Variants in NUDT3 observed in about 807,000 individuals in gnomAD.
The protein encoded by NUDT3 is nudix hydrolase 3, also known as diphosphoinositol polyphosphate phosphohydrolase 1.
Under a neutral mutation model 23.6 loss-of-function variants are expected in NUDT3, and 9 were observed. The observed-to-expected ratio is 0.38, with a 90% CI of 0.23 to 0.66. The LOEUF (loss-of-function observed/expected upper bound fraction) is 0.66. Ranked by LOEUF, NUDT3 falls within the 30% of genes least tolerant of loss-of-function variation. The pLI is 0.52. For missense variants in NUDT3, 172 were observed against 218.5 expected (o/e 0.79, Z 1.34); for synonymous variants, 86 against 82.6 (o/e 1.04, Z -0.22).
intron 2 of NUDT3, 67 bp downstream of exon 2, chr6:34,341,791 TAAAG>T: frequency 7.2e-7 from 1 of 1,394,838 alleles, no homozygotes; most frequent in Non-Finnish European, 9.9e-7. Flanking sequence ...GCTGACATAT[TAAAG>T]AACTACACAG....
At chr6:34,316,538 C>A (rs939589224) in intron 2 of NUDT3, among the ~76,000 whole-genome samples, 2 of 152,188 alleles carry the variant, frequency 1.3e-5, no homozygotes, top group Admixed American at 6.5e-5. Context: ...AGTATAAACA[C>A]ATTCTGTTAT....
chr6:34,300,060 G>T (rs62399898), intron 2 of NUDT3, among the ~76,000 whole-genome samples: 7,186 of 151,884 alleles, frequency 0.047, 271 homozygotes, highest in African/African-American at 0.1. Context: ...GCTTTTTTAA[G>T]AGAAAAAAAC....
rs562604165 is a variant in NUDT3 at position 34,373,241 on chromosome 6, T to C, written c.99+19023A>G. Among the ~76,000 whole-genome samples, 4 of 128,898 alleles carry C rather than the reference T, an allele frequency of 3.1e-5. No homozygotes were observed. The South Asian group carries it at 7.5e-4, about 24-fold the overall frequency. The allele number at this position is 128,898 out of a possible 152,430, so 84.6% of individuals were successfully genotyped here. A position where few individuals can be genotyped will look rare whatever the true frequency, so the allele number is the denominator to read the frequency against. On this transcript the variant is annotated intron_variant, in intron 1 of 4. Coordinates refer to ENST00000607016, the MANE Select transcript of NUDT3 (RefSeq NM_006703.4). ...TTGCAGTGAGCTGAGATCACGCCACTGCACTCTAGCCTGGGCGACTGAGAA... is the reference window on the plus strand; with the variant it reads ...TTGCAGTGAGCTGAGATCACGCCACCGCACTCTAGCCTGGGCGACTGAGAA...
chr6:34,280,963 C>G lies in NUDT3; in HGVS notation c.*7790G>C, dbSNP rs536036961. 2.8e-4 allele frequency: 42 copies of G among 152,166 alleles called. No individual in the cohort carries two copies. The highest frequency in any genetic ancestry group is 5.0e-4 in the Non-Finnish European group (34 of 68,028). The allele number at this position is 152,166 out of a possible 1,614,324, so 9.4% of individuals were successfully genotyped here. A position where few individuals can be genotyped will look rare whatever the true frequency, so the allele number is the denominator to read the frequency against. On this transcript the variant is annotated 3_prime_UTR_variant, in exon 5 of 5. Transcript: ENST00000607016. The stretch of plus-strand genomic sequence containing the variant: ...TTTTGTCCTCTAGAAAAACTTAACT[C>G]AATACATCTTGGCTACTTTGCCTCA...
In NUDT3 at chr6:34,297,759, A is replaced by ATTTT. The variant is rs60517827; in HGVS notation, c.211-2075_211-2074insAAAA. On this transcript the variant is annotated intron_variant, in intron 2 of 4. Transcript: ENST00000607016. ...TATATATATATATATATATATATAT[A>ATTTT]ATTTTTTTTTTTTTTTTAGTAGAGA... Among the ~76,000 whole-genome samples the ATTTT allele has an allele frequency of 2.0e-4, 14 of 71,098 alleles. 1 individual carries two copies. Among genetic ancestry groups the ATTTT allele is most frequent in the Non-Finnish European group, 2.6e-4 (10 of 38,634 alleles). 46.6% of individuals were successfully genotyped at this position (71,098 alleles called of 152,430 possible).
At chr6:34,326,334 G>T (rs1330397339) in intron 2 of NUDT3, among the ~76,000 whole-genome samples, 1 of 151,982 alleles carries the variant, frequency 6.6e-6, no homozygotes, top group Admixed American at 6.6e-5. Context: ...ACCTTTATTT[G>T]CTTTCGGAGA....
At chr6:34,366,855 A>G (rs2113756526) in intron 1 of NUDT3, among the ~76,000 whole-genome samples, 1 of 152,110 alleles carries the variant, frequency 6.6e-6, no homozygotes, top group Admixed American at 6.6e-5. Context: ...TAAATACCTA[A>G]AGTTGTGCAA....
chr6:34,335,562 G>A (rs1257399193), intron 2 of NUDT3, among the ~76,000 whole-genome samples: 2 of 151,612 alleles, frequency 1.3e-5, no homozygotes, highest in Admixed American at 6.6e-5. Context: ...GCAGTCTTGT[G>A]GCCTCAAATT....
intron 1 of NUDT3, among the ~76,000 whole-genome samples, chr6:34,356,903 G>A (rs1204141024): frequency 6.6e-6 from 1 of 152,020 alleles, no homozygotes; most frequent in African/African-American, 2.4e-5. Context: ...TCAGCCTCCT[G>A]AGTAGCTGGG....
chr6:34,309,842 A>G (rs1310865599), intron 2 of NUDT3, among the ~76,000 whole-genome samples: 1 of 152,208 alleles, frequency 6.6e-6, no homozygotes, highest in Non-Finnish European at 1.5e-5. Context: ...CACAACCTAC[A>G]TGAAATGACC....
chr6:34,302,466 C>T (rs568566543), intron 2 of NUDT3, among the ~76,000 whole-genome samples: 99 of 152,308 alleles, frequency 6.5e-4, no homozygotes, highest in African/African-American at 2.4e-3. Flanking sequence ...GGTGCGGTGG[C>T]TCATGCCTGT....
intron 1 of NUDT3, among the ~76,000 whole-genome samples, 170 bp from the exon 2 acceptor site, chr6:34,342,142 C>CA (rs200593468): frequency 0.012 from 1,755 of 152,166 alleles, 27 homozygotes; most frequent in African/African-American, 0.035. Context: ...AAAAAGTAGG[C>CA]ATCAGCTAGT....
chr6:34,302,864 T>C (rs1266260134), intron 2 of NUDT3, among the ~76,000 whole-genome samples: 1 of 152,262 alleles, frequency 6.6e-6, no homozygotes, highest in Non-Finnish European at 1.5e-5. Flanking sequence ...AAATAGCCAA[T>C]GGTCTAGAGA....
intron 2 of NUDT3, among the ~76,000 whole-genome samples, chr6:34,314,691 G>T (rs1763832230): frequency 1.3e-5 from 2 of 152,124 alleles, no homozygotes; most frequent in Non-Finnish European, 2.9e-5. Context: ...AGGGTGATGG[G>T]AGGAGAAAAG....
intron 2 of NUDT3, among the ~76,000 whole-genome samples, chr6:34,329,895 T>C (rs1764102411): frequency 6.6e-6 from 1 of 152,154 alleles, no homozygotes; most frequent in South Asian, 2.1e-4. Flanking sequence ...TGATAACATG[T>C]GGTGTTTGGT....
chr6:34,304,697 T>C (rs963049587), intron 2 of NUDT3, among the ~76,000 whole-genome samples: 1 of 151,914 alleles, frequency 6.6e-6, no homozygotes, highest in Non-Finnish European at 1.5e-5. Context: ...TCTTACTCTG[T>C]CTCCCAGTCT....
chr6:34,307,007 G>A (rs907656275), intron 2 of NUDT3, among the ~76,000 whole-genome samples: 1 of 152,120 alleles, frequency 6.6e-6, no homozygotes, highest in South Asian at 2.1e-4. Flanking sequence ...TGGCCTATGC[G>A]CAATTTGTGA....
intron 1 of NUDT3, among the ~76,000 whole-genome samples, chr6:34,368,934 G>C (rs1002431233): frequency 2.6e-5 from 4 of 152,124 alleles, no homozygotes; most frequent in Admixed American, 2.6e-4. Flanking sequence ...CACCGCGCCC[G>C]GCCCAACAGT....
intron 2 of NUDT3, among the ~76,000 whole-genome samples, chr6:34,337,857 C>T (rs1764231643): frequency 6.6e-6 from 1 of 152,236 alleles, no homozygotes; most frequent in Non-Finnish European, 1.5e-5. Flanking sequence ...ACCATCACTC[C>T]ATTTCAGGTC....
Sources: allele counts gnomAD v4.1 joint callset (sites outside exome capture counted in the v4.1 genomes callset), GRCh38; gene constraint gnomAD v4.1.1; transcripts MANE v1.5; gene names NCBI Gene and HGNC (gene_info 2026-07-23, HGNC 2026-07-21).